Variants in TAFA2 observed in about 807,000 individuals in gnomAD.
TAFA2 encodes TAFA chemokine like family member 2.
TAFA2 carries 7 observed loss-of-function variants against 18.8 expected under a neutral mutation model. The ratio of observed to expected loss-of-function variants is 0.37; its 90% confidence interval spans 0.21 to 0.70. The LOEUF (loss-of-function observed/expected upper bound fraction) is 0.70, where lower values mean the gene tolerates loss of function less well. Ranked by LOEUF, TAFA2 falls within the 30% of genes least tolerant of loss-of-function variation. The pLI is 0.53. For synonymous variants in TAFA2, 60 were observed against 54.2 expected (o/e 1.11, Z -0.47); for missense variants, 122 against 158.1 (o/e 0.77, Z 1.23).
chr12:62,059,137 A>ATGTGTGTGTGTGTGTGTGTGTGTG (rs779755647), intron 1 of TAFA2, among the ~76,000 whole-genome samples: 2 of 43,538 alleles, frequency 4.6e-5, no homozygotes, highest in Non-Finnish European at 8.8e-5. Flanking sequence ...ATATGTGTGT[A>ATGTGTGTGTGTGTGTGTGTGTGTG]TATGTGTGTG....
At chr12:62,124,720 T>C (rs1870377171) in intron 1 of TAFA2, among the ~76,000 whole-genome samples, 1 of 152,130 alleles carries the variant, frequency 6.6e-6, no homozygotes, top group Non-Finnish European at 1.5e-5. Context: ...TATTCAACAA[T>C]AAATACATCT....
intron 1 of TAFA2, among the ~76,000 whole-genome samples, chr12:62,045,042 C>T (rs193005833): frequency 3.9e-5 from 6 of 152,196 alleles, no homozygotes; most frequent in East Asian, 1.9e-4. Flanking sequence ...CTGAATCATC[C>T]GTTAGATATA....
intron 1 of TAFA2, among the ~76,000 whole-genome samples, chr12:61,990,036 C>T (rs1407568153): frequency 6.6e-6 from 1 of 152,136 alleles, no homozygotes; most frequent in African/African-American, 2.4e-5. Flanking sequence ...GGCATCACTA[C>T]AACTCCCCAA....
At chr12:61,817,923 G>A (rs998554213) in intron 2 of TAFA2, among the ~76,000 whole-genome samples, 23 of 152,054 alleles carry the variant, frequency 1.5e-4, no homozygotes, top group African/African-American at 5.3e-4. Context: ...GCTCTAGGGA[G>A]CCTCTGCTAT....
At chr12:62,205,989 G>A (rs369719740) in intron 1 of TAFA2, among the ~76,000 whole-genome samples, 6 of 152,104 alleles carry the variant, frequency 3.9e-5, no homozygotes, top group South Asian at 2.1e-4. Flanking sequence ...TTCCCCATGC[G>A]GCTCCCACAT....
chr12:62,181,997 C>A (rs531078827), intron 1 of TAFA2, among the ~76,000 whole-genome samples: 18 of 150,220 alleles, frequency 1.2e-4, no homozygotes, highest in African/African-American at 2.5e-4. Flanking sequence ...CCATCCCCCC[C>A]CCGCTACACA....
chr12:62,121,180 A>G (rs75582225), intron 1 of TAFA2, among the ~76,000 whole-genome samples: 7,756 of 152,216 alleles, frequency 0.051, 297 homozygotes, highest in Non-Finnish European at 0.079. Flanking sequence ...CACATTCCCT[A>G]TGAATCCCTC....
chr12:61,925,196 G>A (rs1035686296), intron 1 of TAFA2, among the ~76,000 whole-genome samples: 8 of 152,076 alleles, frequency 5.3e-5, no homozygotes, highest in Non-Finnish European at 2.9e-5. Context: ...AAATTAACAA[G>A]AATATTCAGG....
chr12:61,953,319 T>C (rs1422083705), intron 1 of TAFA2, among the ~76,000 whole-genome samples: 10 of 152,090 alleles, frequency 6.6e-5, no homozygotes, highest in Admixed American at 6.6e-4. Context: ...CAGGTCTCTG[T>C]AATAAAAAAG....
intron 1 of TAFA2, among the ~76,000 whole-genome samples, chr12:61,921,581 G>GT (rs780826813): frequency 1.3e-4 from 19 of 151,960 alleles, no homozygotes; most frequent in African/African-American, 4.4e-4. Context: ...TTTGGTATGG[G>GT]TTTTTTTGTG....
chr12:61,767,546 A>G (rs1316247750), intron 2 of TAFA2, among the ~76,000 whole-genome samples: 1 of 152,112 alleles, frequency 6.6e-6, no homozygotes, highest in Admixed American at 6.6e-5. Flanking sequence ...AGAGGAAATC[A>G]GTATTATTTA....
At chr12:61,760,343 G>T in intron 2 of TAFA2, among the ~76,000 whole-genome samples, 1 of 97,368 alleles carries the variant, frequency 1.0e-5, no homozygotes. Context: ...GAAGGCATTG[G>T]CATTGGTAGG....
intron 4 of TAFA2, among the ~76,000 whole-genome samples, chr12:61,752,822 A>G: frequency 6.6e-6 from 1 of 152,050 alleles, no homozygotes; most frequent in Non-Finnish European, 1.5e-5. Context: ...TTTATAAAAC[A>G]TCAATTTATA....
chr12:61,907,590 G>A (rs963892377), intron 1 of TAFA2, among the ~76,000 whole-genome samples: 4 of 152,180 alleles, frequency 2.6e-5, no homozygotes, highest in Admixed American at 6.5e-5. Context: ...AGAGAAATGT[G>A]GTGTTGGAAC....
chr12:62,073,207 G>T (rs941989034), intron 1 of TAFA2, among the ~76,000 whole-genome samples: 4 of 152,154 alleles, frequency 2.6e-5, no homozygotes, highest in Admixed American at 2.6e-4. Flanking sequence ...ACATCCTACG[G>T]ATATCCTAAA....
intron 2 of TAFA2, among the ~76,000 whole-genome samples, chr12:61,838,670 A>G (rs1000095122): frequency 2.8e-4 from 42 of 152,056 alleles, no homozygotes; most frequent in Non-Finnish European, 5.7e-4. Flanking sequence ...AGGCAACTCA[A>G]TGATTGAAAA....
intron 1 of TAFA2, among the ~76,000 whole-genome samples, chr12:61,936,685 C>A (rs185447833): frequency 6.6e-6 from 1 of 152,112 alleles, no homozygotes; most frequent in Non-Finnish European, 1.5e-5. Context: ...ATTATAAAAG[C>A]CCTATATGAA....
intron 1 of TAFA2, among the ~76,000 whole-genome samples, chr12:61,900,416 A>G (rs1193590678): frequency 1.3e-5 from 2 of 152,210 alleles, no homozygotes; most frequent in Non-Finnish European, 2.9e-5. Context: ...GTGTCAGTCC[A>G]TTATCATGCT....
chr12:62,048,256 G>A (rs1881960935), intron 1 of TAFA2, among the ~76,000 whole-genome samples: 1 of 151,906 alleles, frequency 6.6e-6, no homozygotes. Context: ...ATGGCAGAAG[G>A]TGAAGAGGAA....
Sources: allele counts gnomAD v4.1 joint callset (sites outside exome capture counted in the v4.1 genomes callset), GRCh38; gene constraint gnomAD v4.1.1; transcripts MANE v1.5; gene names NCBI Gene and HGNC (gene_info 2026-07-23, HGNC 2026-07-21).